Variants in SLC6A16 observed in about 807,000 individuals in gnomAD.
SLC6A16 encodes solute carrier family 6 member 16, also known as orphan sodium- and chloride-dependent neurotransmitter transporter NTT5.
Under a neutral mutation model 65.4 loss-of-function variants are expected in SLC6A16, and 54 were observed. The ratio of observed to expected loss-of-function variants is 0.83; its 90% CI spans 0.66 to 1.04. SLC6A16 has a LOEUF of 1.04. Among genes scored for constraint, SLC6A16 ranks in the 50% least tolerant of loss-of-function variants. The probability of loss-of-function intolerance (pLI) is 0.00; values close to 1 mark genes in which losing one functional copy is unlikely to be tolerated. For synonymous variants in SLC6A16, 330 were observed against 346.5 expected (o/e 0.95, Z 0.53); for missense variants, 816 against 914.0 (o/e 0.89, Z 1.38).
rs1429688024 is a variant in SLC6A16, at chr19:49,289,691, C to T, written c.*432G>A. The T allele has an allele frequency of 5.7e-6, 1 of 175,426 alleles. No homozygotes were observed. The highest frequency in any genetic ancestry group is 2.4e-5 in the African/African-American group (1 of 41,808). The allele number at this position is 175,426 out of a possible 1,614,324, so 10.9% of individuals were successfully genotyped here. ...CAGTGTGAAAATGAACTAATACAGA[C>T]TGGAAGCCTTGTGACAGGAAAACTG... is the stretch of plus-strand genomic sequence containing the variant. On this transcript the variant is annotated 3_prime_UTR_variant, in exon 12 of 12. Transcript: ENST00000335875.
At chr19:49,295,071 G>A (rs114187525) in intron 7 of SLC6A16, among the ~76,000 whole-genome samples, 267 of 151,874 alleles carry the variant, frequency 1.8e-3, no homozygotes, top group African/African-American at 5.5e-3. Context: ...ACTACTTACC[G>A]TGTCAGGGCC....
At chr19:49,306,337 TAC>T (rs538794797) in intron 7 of SLC6A16, among the ~76,000 whole-genome samples, 1 of 151,694 alleles carries the variant, frequency 6.6e-6, no homozygotes, top group Non-Finnish European at 1.5e-5. Flanking sequence ...ATTAAAGTTA[TAC>T]ACAATATGGA....
the SLC6A16 span, among the ~76,000 whole-genome samples, chr19:49,330,245 G>A: frequency 1.8e-4 from 27 of 152,180 alleles, no homozygotes; most frequent in Non-Finnish European, 3.5e-4. Flanking sequence ...GGCGTGTTAA[G>A]TTTGAGATGT....
chr19:49,294,091 A>C, intron 8 of SLC6A16, 63 bp from the exon 9 acceptor site: 5 of 1,371,262 alleles, frequency 3.6e-6, no homozygotes, highest in African/African-American at 1.4e-5. Flanking sequence ...AAAAATATAG[A>C]CAAGTATACA....
At chr19:49,339,260 G>GA in the SLC6A16 span, 2 of 1,437,920 alleles carry the variant, frequency 1.4e-6, no homozygotes, top group Non-Finnish European at 1.9e-6. The surrounding 1 kb of genome is among the most constrained non-coding windows in gnomAD (Gnocchi z 4.5). Flanking sequence ...GGGTTGGCCT[G>GA]AAAAGAACGC....
At chr19:49,338,751 C>G in the SLC6A16 span, 2 of 1,613,502 alleles carry the variant, frequency 1.2e-6, no homozygotes, top group Non-Finnish European at 1.7e-6. The surrounding 1 kb of genome is among the most constrained non-coding windows in gnomAD (Gnocchi z 5.0). Flanking sequence ...AGTCCTCATC[C>G]TGAGAGGTAA....
At chr19:49,302,075 G>A (rs550490029) in intron 7 of SLC6A16, among the ~76,000 whole-genome samples, 94 of 152,344 alleles carry the variant, frequency 6.2e-4, no homozygotes, top group African/African-American at 2.1e-3. Context: ...GGCCCCTGCA[G>A]TTAGGCACAA....
intron 1 of SLC6A16, 138 bp from the exon 2 acceptor site, chr19:49,311,549 A>G (rs1170339984): frequency 7.8e-6 from 4 of 514,898 alleles, no homozygotes; most frequent in Admixed American, 3.9e-5. Flanking sequence ...CTCTTGCATA[A>G]GTTTCACTTC....
chr19:49,338,066 C>T, the SLC6A16 span: 2 of 1,605,506 alleles, frequency 1.2e-6, no homozygotes, highest in Non-Finnish European at 8.5e-7. The surrounding 1 kb of genome is among the most constrained non-coding windows in gnomAD (Gnocchi z 5.0). Flanking sequence ...CCGGACTGAC[C>T]CGCCTCAGCC....
chr19:49,335,341 G>A, the SLC6A16 span: 2 of 588,114 alleles, frequency 3.4e-6, no homozygotes. The surrounding 1 kb of genome is among the most constrained non-coding windows in gnomAD (Gnocchi z 4.6). Context: ...GACAGGGACA[G>A]AGAGAGAGAC....
chr19:49,326,419 C>A (rs970338231), upstream of SLC6A16, among the ~76,000 whole-genome samples: 1 of 152,064 alleles, frequency 6.6e-6, no homozygotes, highest in Non-Finnish European at 1.5e-5. Context: ...ACCTCATGGA[C>A]CCCCAAAAGT....
At chr19:49,331,870 T>A in the SLC6A16 span, 4 of 455,974 alleles carry the variant, frequency 8.8e-6, no homozygotes, top group Admixed American at 9.4e-5. Flanking sequence ...GCATCAAAGC[T>A]GCAGTGAGCC....
rs1251557334 is a variant in SLC6A16, at chr19:49,310,363, G to T, written c.563C>A (p.Ser188Tyr). 6.2e-7 allele frequency: 1 copy of T among 1,613,958 alleles called. No individual in the cohort carries two copies. The change falls in exon 3 of 12, where the codon TCT (serine) becomes TAT (tyrosine). Residue 188 changes from serine (S) to tyrosine (Y), a missense_variant. By Grantham distance (144) the Ser-to-Tyr change is moderately radical. Transcript: ENST00000335875. Reference sequence around the variant, plus strand: ...CCATGGGCTCCTCACCATGAAGCTAGAATACCCCACACCACCAATCCAGGG... The same window carrying T: ...CCATGGGCTCCTCACCATGAAGCTATAATACCCCACACCACCAATCCAGGG... ...IAPWIGGVGY[S>Y]SFMVCFILGL...
chr19:49,340,073 C>A, the SLC6A16 span: 17 of 1,523,472 alleles, frequency 1.1e-5, no homozygotes, highest in Non-Finnish European at 1.5e-5. Flanking sequence ...ATTCCCGCCT[C>A]ATCAGCCAGC....
At chr19:49,338,908 T>C in the SLC6A16 span, 1 of 1,613,802 alleles carries the variant, frequency 6.2e-7, no homozygotes, top group Non-Finnish European at 8.5e-7. The surrounding 1 kb of genome is among the most constrained non-coding windows in gnomAD (Gnocchi z 5.0). Flanking sequence ...ATCTGCGCTG[T>C]CCCTGCAGAG....
At position 49,292,195 on chromosome 19, in the gene SLC6A16, C is replaced by T. The variant is rs757775347; in HGVS notation, c.1778+1028G>A. 4.6e-5 allele frequency among the ~76,000 whole-genome samples: 7 copies of T among 152,032 alleles called. No homozygotes were observed. Among genetic ancestry groups the T allele is most frequent in the Non-Finnish European group, 1.0e-4 (7 of 67,986 alleles). ...CAGCCTGGCCAACATGGTGAAACCC[C>T]GTCTCTACTAAGAATACAAAAATTA... On this transcript the variant is annotated intron_variant, in intron 10 of 11. Transcript: ENST00000335875. The surrounding 1 kb of genome is among the most constrained non-coding windows in gnomAD (Gnocchi z 4.3).
At chr19:49,305,655 C>G (rs1970372551) in intron 7 of SLC6A16, 1 of 151,738 alleles carries the variant, frequency 6.6e-6, no homozygotes, top group Non-Finnish European at 1.5e-5. Context: ...TGGGCTCAGC[C>G]CCCAGCCAAC....
intron 1 of SLC6A16, 101 bp from the exon 2 acceptor site, chr19:49,311,512 C>T: frequency 1.6e-6 from 1 of 608,264 alleles, no homozygotes; most frequent in Non-Finnish European, 2.7e-6. Context: ...TTTTATACCA[C>T]CACTGACATT....
upstream of SLC6A16, among the ~76,000 whole-genome samples, chr19:49,328,215 G>T (rs553905164): frequency 6.6e-6 from 1 of 152,084 alleles, no homozygotes; most frequent in East Asian, 1.9e-4. Context: ...GGCTGGGGAG[G>T]CCTCAGGAAA....
Sources: allele counts gnomAD v4.1 joint callset (sites outside exome capture counted in the v4.1 genomes callset), GRCh38; gene constraint gnomAD v4.1.1; non-coding constraint Gnocchi (gnomAD v3.1); transcripts MANE v1.5; gene names NCBI Gene and HGNC (gene_info 2026-07-23, HGNC 2026-07-21).